HDAC8: variants seen among roughly 807,000 people sequenced by gnomAD.
The protein encoded by HDAC8 is histone deacetylase-like 1.
In HDAC8, 1 loss-of-function variant was observed where a neutral mutation model predicts 32.2. The ratio of observed to expected loss-of-function variants is 0.03; its 90% CI spans 0.01 to 0.15. The LOEUF (loss-of-function observed/expected upper bound fraction) is 0.15. Ranked by LOEUF, HDAC8 falls within the 10% of genes least tolerant of loss-of-function variation. HDAC8 has a pLI of 1.00. For synonymous variants in HDAC8, 108 were observed against 113.9 expected, an observed-to-expected ratio of 0.95 and a Z score of 0.33; for missense variants, 117 against 300.0, an observed-to-expected ratio of 0.39 and a Z score of 4.51.
intron 4 of HDAC8, among the ~76,000 whole-genome samples, chrX:72,545,185 C>A (rs1382181937): frequency 3.6e-5 from 4 of 111,656 alleles, no homozygotes; most frequent in African/African-American, 1.3e-4. Flanking sequence ...GTCTTGAAGG[C>A]AGTAGAGAAT....
At chrX:72,336,626 C>T (rs1226403503) in intron 10 of HDAC8, among the ~76,000 whole-genome samples, 2 of 111,364 alleles carry the variant, frequency 1.8e-5, no homozygotes. Flanking sequence ...CTATGCTGCC[C>T]AAGCTGGTTT....
chrX:72,456,615 A>G (rs1475949256), intron 9 of HDAC8, among the ~76,000 whole-genome samples: 1 of 111,171 alleles, frequency 9.0e-6, no homozygotes, highest in African/African-American at 3.3e-5. Context: ...TTTGACCAAC[A>G]TGGTGAAACC....
At chrX:72,422,904 A>G (rs782734344) in intron 9 of HDAC8, among the ~76,000 whole-genome samples, 1 of 111,371 alleles carries the variant, frequency 9.0e-6, no homozygotes, top group East Asian at 2.8e-4. Flanking sequence ...ACCATGGTCC[A>G]GGGTCCCACA....
At chrX:72,505,323 G>A (rs1556018522) in intron 4 of HDAC8, among the ~76,000 whole-genome samples, 2 of 110,958 alleles carry the variant, frequency 1.8e-5, no homozygotes, top group Admixed American at 1.9e-4. Flanking sequence ...AATCTTTCTT[G>A]AGATTATCTT....
intron 9 of HDAC8, among the ~76,000 whole-genome samples, chrX:72,452,931 A>G (rs1555988048): frequency 9.0e-6 from 1 of 111,247 alleles, no homozygotes; most frequent in Non-Finnish European, 1.9e-5. Flanking sequence ...TATGCTCCAT[A>G]TGCTTAAGGA....
At chrX:72,473,758 A>G in intron 7 of HDAC8, 4 of 754,474 alleles carry the variant, frequency 5.3e-6, no homozygotes, top group Non-Finnish European at 4.7e-6. Flanking sequence ...CTGTTGCCAA[A>G]ACTTTACTGG....
chrX:72,346,924 G>T (rs1200788047), intron 10 of HDAC8, among the ~76,000 whole-genome samples: 3 of 111,694 alleles, frequency 2.7e-5, no homozygotes, highest in Non-Finnish European at 3.8e-5. Context: ...AGGTAGGAGG[G>T]TTTACTAGGG....
At position 72,426,910 on chromosome X, in the gene HDAC8, G is replaced by A. The variant is rs782135778; in HGVS notation, c.1005+35094C>T. On this transcript the variant is annotated intron_variant, in intron 9 of 10. Coordinates refer to ENST00000373573, the MANE Select transcript of HDAC8 (RefSeq NM_018486.3). ...GGGTGGCCTTATAAGAAGAGGAAGA[G>A]AGAGAGATTTTCTTCTCTCTCTCTG... is the stretch of plus-strand genomic sequence containing the variant. Among the ~76,000 whole-genome samples, 4 of 110,014 alleles carry A rather than the reference G, an allele frequency of 3.6e-5. No homozygotes were observed. The South Asian group carries it at 1.7e-3, about 45-fold the overall frequency.
chrX:72,362,354 A>C (rs1310361775), intron 9 of HDAC8, among the ~76,000 whole-genome samples: 3 of 111,692 alleles, frequency 2.7e-5, no homozygotes, highest in African/African-American at 9.8e-5. Context: ...AAGTTTCCTG[A>C]GGCCTCGCCA....
At chrX:72,501,520 G>A (rs781801772) in intron 4 of HDAC8, among the ~76,000 whole-genome samples, 2,311 of 110,854 alleles carry the variant, frequency 0.021, 66 homozygotes, top group African/African-American at 0.072. Flanking sequence ...AGCAATGGGG[G>A]AAAGACTCCC....
intron 9 of HDAC8, among the ~76,000 whole-genome samples, chrX:72,368,225 C>T (rs929563892): frequency 2.7e-5 from 3 of 111,954 alleles, no homozygotes; most frequent in African/African-American, 6.5e-5. Flanking sequence ...GCAGAGAATG[C>T]CCAGCCCTCC....
intron 9 of HDAC8, among the ~76,000 whole-genome samples, chrX:72,434,033 C>T (rs1175447026): frequency 8.9e-6 from 1 of 112,504 alleles, no homozygotes; most frequent in African/African-American, 3.2e-5. Context: ...ATGCATGTGG[C>T]ACAATGTCTG....
intron 4 of HDAC8, among the ~76,000 whole-genome samples, chrX:72,513,175 T>C (rs2049650067): frequency 8.9e-6 from 1 of 111,824 alleles, no homozygotes; most frequent in Non-Finnish European, 1.9e-5. Context: ...ACCTCTACCA[T>C]AGTACTTCTC....
intron 9 of HDAC8, among the ~76,000 whole-genome samples, chrX:72,458,901 T>A (rs960286907): frequency 2.7e-5 from 3 of 112,137 alleles, no homozygotes; most frequent in Admixed American, 1.9e-4. Context: ...GGGCTCTTCA[T>A]AATCTGGCCT....
At chrX:72,416,408 GTTTTTTTTTTTTTTTTTTTTTTTTT>G (rs549411405) in intron 9 of HDAC8, among the ~76,000 whole-genome samples, 1 of 3,685 alleles carries the variant, frequency 2.7e-4, no homozygotes, top group African/African-American at 5.1e-4. Flanking sequence ...TGTCTTCTCT[GTTTTTTTTTTTTTTTTTTTTTTTTT>G]TTTTTTTTTT....
chrX:72,419,986 TA>T (rs1291757752), intron 9 of HDAC8, among the ~76,000 whole-genome samples: 2 of 111,714 alleles, frequency 1.8e-5, no homozygotes, highest in African/African-American at 6.5e-5. Context: ...GACGTTAATA[TA>T]TGGTTAGATT....
At chrX:72,418,383 G>C (rs2046401606) in intron 9 of HDAC8, among the ~76,000 whole-genome samples, 1 of 111,456 alleles carries the variant, frequency 9.0e-6, no homozygotes, top group Non-Finnish European at 1.9e-5. Context: ...GACATGAACA[G>C]ACACTTTTCA....
intron 9 of HDAC8, among the ~76,000 whole-genome samples, chrX:72,447,840 A>T (rs185063191): frequency 9.0e-5 from 10 of 111,730 alleles, no homozygotes; most frequent in African/African-American, 2.3e-4. Flanking sequence ...CACAATTGCT[A>T]CAAAGAGAAT....
At chrX:72,518,244 A>G (rs1023158016) in intron 4 of HDAC8, among the ~76,000 whole-genome samples, 1 of 111,357 alleles carries the variant, frequency 9.0e-6, no homozygotes, top group African/African-American at 3.3e-5. Context: ...CACCATTCCA[A>G]TAAGATCCCT....
Sources: gnomAD v4.1 joint callset for allele counts (sites outside exome capture counted in the v4.1 genomes callset) on GRCh38, gnomAD v4.1.1 for gene constraint, MANE v1.5 for transcripts, NCBI Gene and HGNC (gene_info 2026-07-23, HGNC 2026-07-21) for gene names.